The following CEP128 variants were observed in gnomAD, a reference collection of about 807,000 sequenced individuals.
CEP128 encodes centrosomal protein 128.
CEP128 carries 132 observed loss-of-function variants against 156.7 expected under a neutral mutation model. The observed-to-expected ratio is 0.84, with a 90% CI of 0.73 to 0.97. The LOEUF (loss-of-function observed/expected upper bound fraction) is 0.97. Ranked by LOEUF, CEP128 falls within the 50% of genes least tolerant of loss-of-function variation. The probability of loss-of-function intolerance (pLI) is 0.00; values close to 1 mark genes in which losing one functional copy is unlikely to be tolerated. For missense variants in CEP128, 1,252 were observed against 1,281.9 expected (o/e 0.98, Z 0.36); for synonymous variants, 469 against 448.9 (o/e 1.04, Z -0.57).
chr14:80,830,425 C>A (rs987960910), intron 13 of CEP128: 1 of 398,110 alleles, frequency 2.5e-6, no homozygotes, highest in African/African-American at 2.1e-5. Flanking sequence ...ACTTCACTTA[C>A]AAAAACAGAT....
At chr14:80,931,622 T>A (rs1885472292) in intron 2 of CEP128, among the ~76,000 whole-genome samples, 1 of 152,168 alleles carries the variant, frequency 6.6e-6, no homozygotes, top group South Asian at 2.1e-4. Flanking sequence ...TGACACAGAA[T>A]GGGTTGTAAA....
rs546051458 is a variant in CEP128 at position 80,745,081 on chromosome 14, G to A, written c.2614-1814C>T. Among the ~76,000 whole-genome samples, 46 of 152,224 alleles carry A rather than the reference G, an allele frequency of 3.0e-4. 2 individuals carry two copies. Among genetic ancestry groups the A allele is most frequent in the Admixed American group, 2.2e-3 (34 of 15,294 alleles). On this transcript the variant is annotated intron_variant, in intron 18 of 24. Transcript: ENST00000555265. ...CTCATGTCGAATTATAATTTCCAACGTTGTGGGAGGGACCCAGTGGGAGGT... is the reference window on the plus strand; with the variant it reads ...CTCATGTCGAATTATAATTTCCAACATTGTGGGAGGGACCCAGTGGGAGGT...
intron 16 of CEP128, among the ~76,000 whole-genome samples, chr14:80,774,934 C>CT (rs1415162540): frequency 6.6e-6 from 1 of 152,148 alleles, no homozygotes; most frequent in African/African-American, 2.4e-5. Context: ...AGTTCTGTGG[C>CT]TTTATGATTA....
chr14:80,633,050 G>A (rs1375159223), intron 19 of CEP128, among the ~76,000 whole-genome samples: 2 of 151,926 alleles, frequency 1.3e-5, no homozygotes, highest in Non-Finnish European at 2.9e-5. Flanking sequence ...AACATAGTGG[G>A]ACTCCGTTTC....
chr14:80,568,733 C>G (rs991291442), intron 20 of CEP128, among the ~76,000 whole-genome samples: 3 of 152,030 alleles, frequency 2.0e-5, no homozygotes, highest in African/African-American at 7.2e-5. Context: ...TGTAGCTAAA[C>G]AATTTAAAGT....
intron 19 of CEP128, among the ~76,000 whole-genome samples, chr14:80,679,093 A>G (rs1256666945): frequency 6.6e-6 from 1 of 152,134 alleles, no homozygotes; most frequent in African/African-American, 2.4e-5. Context: ...TAATCCTGTT[A>G]TCTTCATAAG....
At chr14:80,808,762 T>G (rs1374040184) in intron 13 of CEP128, among the ~76,000 whole-genome samples, 1 of 151,896 alleles carries the variant, frequency 6.6e-6, no homozygotes, top group Admixed American at 6.6e-5. Context: ...TGACGCTGTT[T>G]ACAGCTGAAG....
intron 18 of CEP128, among the ~76,000 whole-genome samples, chr14:80,749,721 C>T (rs1363081734): frequency 1.3e-5 from 2 of 151,512 alleles, no homozygotes; most frequent in Admixed American, 1.3e-4. Context: ...AGGGTGGTTA[C>T]AATGAACAAT....
intron 9 of CEP128, among the ~76,000 whole-genome samples, chr14:80,841,178 C>T (rs1174472294): frequency 2.6e-5 from 4 of 152,018 alleles, no homozygotes; most frequent in African/African-American, 7.2e-5. Flanking sequence ...CAAAATTAAA[C>T]TTAAAGGGGA....
chr14:80,503,798 A>T (rs1414082371), intron 24 of CEP128, among the ~76,000 whole-genome samples: 2 of 152,218 alleles, frequency 1.3e-5, no homozygotes, highest in Non-Finnish European at 2.9e-5. Context: ...GTAGATACAA[A>T]ATCACTTGGG....
chr14:80,737,930 A>G (rs1898618841), intron 19 of CEP128, among the ~76,000 whole-genome samples: 1 of 152,190 alleles, frequency 6.6e-6, no homozygotes, highest in African/African-American at 2.4e-5. Flanking sequence ...TAAAAAATTA[A>G]CCAGAGTCCA....
chr14:80,739,634 T>C (rs1898704789), intron 19 of CEP128, among the ~76,000 whole-genome samples: 1 of 151,964 alleles, frequency 6.6e-6, no homozygotes, highest in Non-Finnish European at 1.5e-5. Flanking sequence ...AAAGTTTTAA[T>C]ATTCTTTTTT....
chr14:80,729,196 C>T (rs1207353875), intron 19 of CEP128, among the ~76,000 whole-genome samples: 1 of 150,708 alleles, frequency 6.6e-6, no homozygotes, highest in African/African-American at 2.4e-5. Flanking sequence ...CCAAAGTCCA[C>T]TGTATCATTC....
intron 19 of CEP128, among the ~76,000 whole-genome samples, chr14:80,629,771 T>C (rs1893887363): frequency 6.6e-6 from 1 of 152,038 alleles, no homozygotes; most frequent in Admixed American, 6.6e-5. Flanking sequence ...CATCAGTGAC[T>C]TACTCAATCT....
intron 19 of CEP128, among the ~76,000 whole-genome samples, chr14:80,619,723 A>G (rs1595099644): frequency 6.6e-6 from 1 of 150,808 alleles, no homozygotes; most frequent in African/African-American, 2.4e-5. Context: ...AAAAAAAAAA[A>G]GAAAGAAAGA....
At chr14:80,733,880 G>T (rs538321462) in intron 19 of CEP128, among the ~76,000 whole-genome samples, 2 of 151,990 alleles carry the variant, frequency 1.3e-5, no homozygotes, top group African/African-American at 4.8e-5. Context: ...ACCCACTAAA[G>T]GTACACTAGG....
intron 19 of CEP128, among the ~76,000 whole-genome samples, chr14:80,739,741 T>C (rs1898711639): frequency 6.6e-6 from 1 of 152,184 alleles, no homozygotes; most frequent in Non-Finnish European, 1.5e-5. Flanking sequence ...AATGTTATTG[T>C]GTCCCTAAAT....
chr14:80,761,060 T>G (rs963464395), intron 17 of CEP128, among the ~76,000 whole-genome samples: 1 of 152,078 alleles, frequency 6.6e-6, no homozygotes, highest in African/African-American at 2.4e-5. Flanking sequence ...TAAAGCACCA[T>G]GCATACTACA....
At chr14:80,660,511 C>A (rs1895354508) in intron 19 of CEP128, among the ~76,000 whole-genome samples, 1 of 152,014 alleles carries the variant, frequency 6.6e-6, no homozygotes, top group African/African-American at 2.4e-5. Context: ...GAGTTTATAA[C>A]TAATATAAAT....
Sources: gnomAD v4.1 joint callset for allele counts (sites outside exome capture counted in the v4.1 genomes callset) on GRCh38, gnomAD v4.1.1 for gene constraint, MANE v1.5 for transcripts, NCBI Gene and HGNC (gene_info 2026-07-23, HGNC 2026-07-21) for gene names.